Variants in SERINC1 observed in about 807,000 individuals in gnomAD.
SERINC1 encodes the protein serine incorporator 1.
Under a neutral mutation model 52.9 loss-of-function variants are expected in SERINC1, and 38 were observed. The observed-to-expected ratio is 0.72, with a 90% CI of 0.55 to 0.94. SERINC1 has a LOEUF of 0.94. Ranked by LOEUF, SERINC1 falls within the 40% of genes least tolerant of loss-of-function variation. SERINC1 has a pLI of 0.00. For synonymous variants in SERINC1, 198 were observed against 183.1 expected (o/e 1.08, Z -0.66); for missense variants, 471 against 533.9 (o/e 0.88, Z 1.16).
intron 3 of SERINC1, 141 bp from the exon 4 acceptor site, chr6:122,454,371 A>G (rs1774961675): frequency 3.5e-6 from 2 of 579,666 alleles, no homozygotes; most frequent in African/African-American, 3.8e-5. Flanking sequence ...TATGATCTGG[A>G]GTGTAGCCAT....
rs1774700681 is a variant in SERINC1 at position 122,443,382 on chromosome 6, C to T, written c.*1662G>A. On this transcript the variant is annotated 3_prime_UTR_variant, in exon 10 of 10. Transcript: ENST00000339697. ...TGAATTCATTTATTTAGAGGTAAAA[C>T]ACAGCCATTCAAAATTGTGGAATAC... 2.0e-5 allele frequency: 3 copies of T among 152,204 alleles called. 1 individual carries two copies. The South Asian group carries it at 6.2e-4, about 32-fold the overall frequency. The allele number at this position is 152,204 out of a possible 1,614,324, so 9.4% of individuals were successfully genotyped here.
intron 9 of SERINC1, 36 bp from the exon 10 acceptor site, chr6:122,445,215 G>T: frequency 6.2e-7 from 1 of 1,603,552 alleles, no homozygotes. Context: ...AAAGGGGCAA[G>T]GGGGTTGAAT....
At position 122,447,213 on chromosome 6, in the gene SERINC1, G is replaced by T; in HGVS notation, c.903C>A (p.Ser301Arg). ...LLSIIGYNTT[S>R]TVPKEGQSVQ... ...CTGACTGCCCTTCCTTTGGGACAGT[G>T]CTTGTTGTATTGTAGCCAATTATGC... is the stretch of plus-strand genomic sequence containing the variant. Residue 301 changes from serine (S) to arginine (R), a missense_variant, in exon 8 of 10, where the codon AGC becomes AGA. Coordinates refer to ENST00000339697, the MANE Select transcript of SERINC1 (RefSeq NM_020755.4). 6.2e-7 allele frequency: 1 copy of T among 1,612,426 alleles called. No homozygotes were observed. Among genetic ancestry groups the T allele is most frequent in the Non-Finnish European group, 8.5e-7 (1 of 1,178,464 alleles).
At chr6:122,460,095 C>A (rs1379090914) in intron 1 of SERINC1, among the ~76,000 whole-genome samples, 1 of 152,156 alleles carries the variant, frequency 6.6e-6, no homozygotes, top group African/African-American at 2.4e-5. Flanking sequence ...TTTACACAGT[C>A]TCCTTCTGTC....
Position 122,456,589 on chromosome 6 carries a change from T to C in SERINC1, c.263A>G (p.Lys88Arg). 1 of 1,612,458 alleles carries C rather than the reference T, an allele frequency of 6.2e-7. No individual in the cohort carries two copies. Among genetic ancestry groups the C allele is most frequent in the Non-Finnish European group, 8.5e-7 (1 of 1,179,080 alleles). Residue 88 changes from lysine to arginine, a missense_variant, in exon 3 of 10, where the codon AAA becomes AGA. Coordinates refer to ENST00000339697, the MANE Select transcript of SERINC1 (RefSeq NM_020755.4). ...ACCAAAGCACAAACGATATACAGCTTTATAGCCAACCAAAATGTTACAAGG... is the reference window on the plus strand; with the variant it reads ...ACCAAAGCACAAACGATATACAGCTCTATAGCCAACCAAAATGTTACAAGG... ...VVPCNILVGY[K>R]AVYRLCFGLA...
chr6:122,457,162 T>C (rs761187403), intron 2 of SERINC1, among the ~76,000 whole-genome samples: 3 of 152,206 alleles, frequency 2.0e-5, no homozygotes, highest in Non-Finnish European at 2.9e-5. Flanking sequence ...CTCATTTTTA[T>C]ATAGACACTA....
intron 2 of SERINC1, among the ~76,000 whole-genome samples, chr6:122,457,777 A>G (rs1484480282): frequency 6.8e-6 from 1 of 148,068 alleles, no homozygotes; most frequent in Non-Finnish European, 1.5e-5. Context: ...TATTCTTGTT[A>G]TAGCAGCCTG....
At chr6:122,451,184 AC>A (rs1774896810) in intron 7 of SERINC1, among the ~76,000 whole-genome samples, 1 of 152,046 alleles carries the variant, frequency 6.6e-6, no homozygotes, top group African/African-American at 2.4e-5. Flanking sequence ...AGCAACCAAC[AC>A]CCTGTTCGGT....
intron 1 of SERINC1, among the ~76,000 whole-genome samples, chr6:122,461,385 G>A (rs565353668): frequency 1.3e-5 from 2 of 151,990 alleles, no homozygotes; most frequent in African/African-American, 4.8e-5. Flanking sequence ...CCTAAAATCA[G>A]TACCGAAAGA....
chr6:122,446,404 T>A (rs959337098), intron 9 of SERINC1, among the ~76,000 whole-genome samples: 1 of 152,100 alleles, frequency 6.6e-6, no homozygotes, highest in African/African-American at 2.4e-5. Flanking sequence ...ATTTAAAAAT[T>A]TTCAGAGCTT....
At chr6:122,459,813 G>T (rs775139760) in intron 1 of SERINC1, among the ~76,000 whole-genome samples, 26 of 152,148 alleles carry the variant, frequency 1.7e-4, no homozygotes, top group South Asian at 6.2e-4. Context: ...CTAAAGAAAT[G>T]AGAAGGGAAA....
At chr6:122,470,231 C>T (rs1775257026) in intron 1 of SERINC1, among the ~76,000 whole-genome samples, 1 of 152,202 alleles carries the variant, frequency 6.6e-6, no homozygotes, top group African/African-American at 2.4e-5. Context: ...CTCACTGCTT[C>T]TACCTTTTTA....
At chr6:122,447,328 A>C (rs1441629966) in intron 7 of SERINC1, 63 bp from the exon 8 acceptor site, 1 of 1,371,606 alleles carries the variant, frequency 7.3e-7, no homozygotes, top group African/African-American at 1.4e-5. Context: ...CAGAGCAAAC[A>C]AAAGTTATTT....
rs866829866 is a variant in SERINC1 at position 122,458,448 on chromosome 6, C to T, written c.201+72G>A. 2.5e-5 allele frequency: 25 copies of T among 1,010,726 alleles called. 1 individual carries two copies. The Middle Eastern group carries it at 2.0e-3, about 79-fold the overall frequency. The allele number at this position is 1,010,726 out of a possible 1,614,324, so 62.6% of individuals were successfully genotyped here. ...TATATTATTCTGTTTACAATATCCC[C>T]GAATCAATTTTATACATATACATAT... On this transcript the variant is annotated intron_variant, in intron 2 of 9. Coordinates refer to ENST00000339697, the MANE Select transcript of SERINC1 (RefSeq NM_020755.4).
At chr6:122,455,360 T>A (rs538774348) in intron 3 of SERINC1, among the ~76,000 whole-genome samples, 1 of 151,896 alleles carries the variant, frequency 6.6e-6, no homozygotes, top group Admixed American at 6.6e-5. Context: ...GTGGGCACCA[T>A]CTAATCAGCT....
intron 9 of SERINC1, 27 bp downstream of exon 9, chr6:122,446,747 T>A: frequency 1.4e-6 from 2 of 1,454,294 alleles, no homozygotes; most frequent in Non-Finnish European, 1.9e-6. Context: ...AATTCACACA[T>A]CCAGAGTTTT....
At chr6:122,458,361 T>C (rs967449588) in intron 2 of SERINC1, among the ~76,000 whole-genome samples, 159 bp downstream of exon 2, 2 of 152,212 alleles carry the variant, frequency 1.3e-5, no homozygotes, top group Non-Finnish European at 2.9e-5. Flanking sequence ...AACAAACTAA[T>C]GTATATTATC....
rs752192528 is a variant in SERINC1, at chr6:122,454,202, T to A, written c.400A>T (p.Ile134Phe). ...AAGAATGCCCCAATAATAATTGCAA[T>A]TGCTGCAGCAAATTTAAAGAACCAA... Reference protein sequence around the residue: ...GFWFFKFAAAIAIIIGAFFIP... With the variant: ...GFWFFKFAAAFAIIIGAFFIP... Residue 134 changes from isoleucine (I) to phenylalanine (F), a missense_variant, in exon 4 of 10, where the codon ATT (isoleucine) becomes TTT (phenylalanine). Coordinates refer to ENST00000339697, the MANE Select transcript of SERINC1 (RefSeq NM_020755.4). 6.3e-7 allele frequency: 1 copy of A among 1,586,866 alleles called. No homozygotes were observed. The highest frequency in any genetic ancestry group is 8.6e-7 in the Non-Finnish European group (1 of 1,166,580).
intron 4 of SERINC1, 84 bp downstream of exon 4, chr6:122,454,067 C>G (rs1305311135): frequency 1.7e-6 from 2 of 1,182,722 alleles, no homozygotes; most frequent in Non-Finnish European, 2.4e-6. Flanking sequence ...AACAAAAAGA[C>G]AAACAATTAT....
Sources: gnomAD v4.1 joint callset for allele counts (sites outside exome capture counted in the v4.1 genomes callset) on GRCh38, gnomAD v4.1.1 for gene constraint, MANE v1.5 for transcripts, NCBI Gene and HGNC (gene_info 2026-07-23, HGNC 2026-07-21) for gene names.